Variants in ANKRD36C observed in about 807,000 individuals in gnomAD.
ANKRD36C encodes ankyrin repeat domain 36C.
In ANKRD36C, 61 loss-of-function variants were observed where a neutral mutation model predicts 276.4. The observed-to-expected ratio is 0.22, with a 90% CI of 0.18 to 0.27. The LOEUF is 0.27. ANKRD36C is among the 10% of genes least tolerant of loss of function. The pLI, the probability that ANKRD36C is intolerant of heterozygous loss-of-function variation, is 1.00. For missense variants in ANKRD36C, 1,447 were observed against 2,032.3 expected, an observed-to-expected ratio of 0.71 and a Z score of 5.54; for synonymous variants, 483 against 680.1, an observed-to-expected ratio of 0.71 and a Z score of 4.51.
chr2:95,988,620 TG>T (rs1679078937), intron 1 of ANKRD36C, among the ~76,000 whole-genome samples: 1 of 152,176 alleles, frequency 6.6e-6, no homozygotes. Flanking sequence ...AAGTTTATTA[TG>T]AAAAAAACAT....
intron 42 of ANKRD36C, 111 bp from the exon 45 acceptor site, chr2:95,910,679 GC>G: frequency 1.3e-6 from 2 of 1,555,464 alleles, no homozygotes; most frequent in South Asian, 2.3e-5. Context: ...ATTAGCGCAG[GC>G]TTTGATGGCT....
chr2:95,894,954 C>T (rs530088368), intron 44 of ANKRD36C, among the ~76,000 whole-genome samples: 2 of 149,882 alleles, frequency 1.3e-5, no homozygotes, highest in East Asian at 4.0e-4. Flanking sequence ...CGTCTTCATT[C>T]GGAAAATAAT....
intron 1 of ANKRD36C, 122 bp downstream of exon 1, chr2:95,991,390 C>T (rs999975149): frequency 8.9e-7 from 1 of 1,125,676 alleles, no homozygotes; most frequent in Non-Finnish European, 1.2e-6. Context: ...GCCAGGCACC[C>T]CCTAGCCCCC....
chr2:95,910,529 A>G lies in ANKRD36C; in HGVS notation c.2653+1715T>C, dbSNP rs773710558. ...TTAACTCGTTCACAATATAAATGAG[A>G]GTTTCATTACCTTCAAGGCTGGTGG... On this transcript the variant is annotated intron_variant, in intron 42 of 66. Coordinates refer to ENST00000456556, the Ensembl canonical transcript of ANKRD36C. 1 of 1,606,502 alleles carries G rather than the reference A, an allele frequency of 6.2e-7. No homozygotes were observed.
At chr2:95,895,972 C>A (rs1352862132) in intron 44 of ANKRD36C, among the ~76,000 whole-genome samples, 1 of 149,524 alleles carries the variant, frequency 6.7e-6, no homozygotes, top group East Asian at 2.0e-4. Context: ...TTTCATGCAA[C>A]AAATCAAAAG....
chr2:95,880,535 A>G lies in ANKRD36C; in HGVS notation c.3397-36T>C, dbSNP rs2104321543. 3.3e-6 allele frequency: 5 copies of G among 1,536,564 alleles called. No homozygotes were observed. The East Asian group carries it at 1.2e-4, about 38-fold the overall frequency. On this transcript the variant is annotated intron_variant, in intron 57 of 66. Coordinates refer to ENST00000456556, the Ensembl canonical transcript of ANKRD36C. ...TTTAAAACAAAGTGATTAGCACATG[A>G]TGTATATTGGTATAGGTTATGCAGT...
At chr2:95,849,545 G>A (rs987407740), downstream of ANKRD36C, among the ~76,000 whole-genome samples, 4 of 152,232 alleles carry the variant, frequency 2.6e-5, no homozygotes, top group Middle Eastern at 3.4e-3. Flanking sequence ...TGATTCAAGC[G>A]TATTACATCT....
chr2:95,912,056 A>G (rs1676944162), intron 42 of ANKRD36C, among the ~76,000 whole-genome samples, 188 bp downstream of exon 44: 2 of 151,438 alleles, frequency 1.3e-5, no homozygotes, highest in African/African-American at 4.8e-5. Context: ...GGATGTGTAT[A>G]ATCTTACAGT....
intron 38 of ANKRD36C, among the ~76,000 whole-genome samples, chr2:95,915,434 C>T (rs1677063300): frequency 6.6e-6 from 1 of 151,452 alleles, no homozygotes; most frequent in Non-Finnish European, 1.5e-5. Context: ...GTTCCAAATG[C>T]ATCTGAAGTG....
At chr2:95,909,041 A>T (rs1391626107) in intron 42 of ANKRD36C, among the ~76,000 whole-genome samples, 1 of 151,096 alleles carries the variant, frequency 6.6e-6, no homozygotes, top group Non-Finnish European at 1.5e-5. Flanking sequence ...TCAATGTCAA[A>T]GCAGGTGCTA....
intron 5 of ANKRD36C, among the ~76,000 whole-genome samples, chr2:95,979,636 C>G (rs986808676): frequency 1.3e-5 from 2 of 152,006 alleles, no homozygotes; most frequent in Non-Finnish European, 2.9e-5. Context: ...CTGAGAAAAG[C>G]TTTTACACTG....
intron 40 of ANKRD36C, 140 bp downstream of exon 42, chr2:95,913,968 G>T: frequency 1.1e-6 from 1 of 941,062 alleles, no homozygotes; most frequent in South Asian, 1.6e-5. Context: ...CATCACCCAA[G>T]AACTTATTTG....
intron 6 of ANKRD36C, among the ~76,000 whole-genome samples, chr2:95,977,474 A>G (rs1236045165): frequency 6.6e-6 from 1 of 152,176 alleles, no homozygotes; most frequent in Non-Finnish European, 1.5e-5. Flanking sequence ...GAAAAAGACC[A>G]ACATTTTAAA....
intron 6 of ANKRD36C, among the ~76,000 whole-genome samples, chr2:95,976,261 C>T (rs2104529119): frequency 6.6e-6 from 1 of 152,314 alleles, no homozygotes; most frequent in East Asian, 1.9e-4. Flanking sequence ...CCATTTGACC[C>T]AGCCATCCCA....
At chr2:95,891,078 C>G (rs1002716518) in intron 46 of ANKRD36C, among the ~76,000 whole-genome samples, 15 of 151,390 alleles carry the variant, frequency 9.9e-5, no homozygotes, top group Admixed American at 3.3e-4. Flanking sequence ...GTTCCTGGAG[C>G]AGCCAAAATC....
At chr2:95,884,516 C>G (rs1676158159) in intron 52 of ANKRD36C, 148 bp from the exon 73 acceptor site, 2 of 1,381,640 alleles carry the variant, frequency 1.4e-6, no homozygotes, top group Non-Finnish European at 2.0e-6. Context: ...GGGATTGGAA[C>G]ATGACAGAAA....
intron 59 of ANKRD36C, among the ~76,000 whole-genome samples, chr2:95,872,527 G>A (rs1675838031): frequency 6.6e-6 from 1 of 151,870 alleles, no homozygotes; most frequent in African/African-American, 2.4e-5. Flanking sequence ...GTGTGCAGAG[G>A]GAAATTTATA....
At chr2:95,938,772 C>T (rs1677788668) in intron 22 of ANKRD36C, 57 bp downstream of exon 22, 1 of 1,536,464 alleles carries the variant, frequency 6.5e-7, no homozygotes, top group East Asian at 2.4e-5. Context: ...AAACTACGAG[C>T]ATTTTCAATA....
Position 95,896,459 on chromosome 2 carries a change from G to A in ANKRD36C, c.2755+2686C>T, listed in dbSNP as rs371999618. Among the ~76,000 whole-genome samples, 59 of 149,686 alleles carry A rather than the reference G, an allele frequency of 3.9e-4. No homozygotes were observed. In the East Asian group the frequency reaches 3.9e-3, roughly 10 times the overall value. On this transcript the variant is annotated intron_variant, in intron 44 of 66. Transcript: ENST00000456556. ...CTAAAATACTCTTGTTGGGAGTATC[G>A]TGTTATTCTCTAAAGAAGTCTCATT...
Sources: gnomAD v4.1 joint callset for allele counts (sites outside exome capture counted in the v4.1 genomes callset) on GRCh38, gnomAD v4.1.1 for gene constraint, MANE v1.5 for transcripts, NCBI Gene and HGNC (gene_info 2026-07-23, HGNC 2026-07-21) for gene names.